Variants in ARK2N observed in about 807,000 individuals in gnomAD.
ARK2N encodes protein ARK2N.
chr18:46,187,444 C>A, the ARK2N span, among the ~76,000 whole-genome samples: 2 of 151,348 alleles, frequency 1.3e-5, no homozygotes, highest in Admixed American at 1.3e-4. Context: ...CGGGTTCAAG[C>A]AATTCTCCTG....
At chr18:46,215,905 A>G in the ARK2N span, 1 of 1,612,230 alleles carries the variant, frequency 6.2e-7, no homozygotes, top group Non-Finnish European at 8.5e-7. Flanking sequence ...GGCAGTGGGA[A>G]AAGTTGAAGA....
At chr18:46,250,439 T>G in the ARK2N span, among the ~76,000 whole-genome samples, 4 of 150,306 alleles carry the variant, frequency 2.7e-5, no homozygotes, top group African/African-American at 9.8e-5. Context: ...CATTTTTGAC[T>G]TTCTATGTTC....
the ARK2N span, among the ~76,000 whole-genome samples, chr18:46,257,166 G>T: frequency 2.6e-5 from 4 of 152,094 alleles, no homozygotes; most frequent in Non-Finnish European, 4.4e-5. Context: ...CTACCTTGTT[G>T]TTGGGTTTTT....
the ARK2N span, among the ~76,000 whole-genome samples, chr18:46,211,659 T>A: frequency 6.6e-6 from 1 of 152,092 alleles, no homozygotes; most frequent in South Asian, 2.1e-4. Context: ...GAATAATCAA[T>A]AATGTAAGAT....
chr18:46,198,642 C>G, the ARK2N span, among the ~76,000 whole-genome samples: 14 of 152,046 alleles, frequency 9.2e-5, no homozygotes, highest in East Asian at 2.1e-3. Context: ...GTCTGTTGTC[C>G]AGGCTGGAGT....
At chr18:46,192,011 C>T in the ARK2N span, among the ~76,000 whole-genome samples, 4 of 152,112 alleles carry the variant, frequency 2.6e-5, no homozygotes, top group Non-Finnish European at 5.9e-5. Flanking sequence ...GAATAATATT[C>T]CATTGTCTGG....
the ARK2N span, among the ~76,000 whole-genome samples, chr18:46,194,677 T>A: frequency 6.7e-6 from 1 of 150,322 alleles, no homozygotes; most frequent in Non-Finnish European, 1.5e-5. Context: ...GGTTCCACCA[T>A]GTTGACCAGG....
chr18:46,251,773 A>G, the ARK2N span, among the ~76,000 whole-genome samples: 1 of 152,190 alleles, frequency 6.6e-6, no homozygotes, highest in African/African-American at 2.4e-5. Context: ...TGCTTATTTA[A>G]AGGCTAAGGA....
the ARK2N span, among the ~76,000 whole-genome samples, chr18:46,228,306 G>T: frequency 6.6e-6 from 1 of 152,050 alleles, no homozygotes; most frequent in African/African-American, 2.4e-5. Context: ...TCATGTTAAG[G>T]ACTACTTTTC....
chr18:46,242,218 A>G, the ARK2N span, among the ~76,000 whole-genome samples: 1 of 152,204 alleles, frequency 6.6e-6, no homozygotes, highest in Non-Finnish European at 1.5e-5. Flanking sequence ...GCCGTTAAAT[A>G]TAGACCATTT....
chr18:46,217,457 T>C, the ARK2N span: 1 of 152,238 alleles, frequency 6.6e-6, no homozygotes, highest in Admixed American at 6.5e-5. Context: ...GAATAGGTCA[T>C]GGCAGTATTG....
the ARK2N span, among the ~76,000 whole-genome samples, chr18:46,204,664 A>AT: frequency 6.6e-6 from 1 of 152,204 alleles, no homozygotes; most frequent in East Asian, 1.9e-4. Flanking sequence ...AATATAAAAT[A>AT]AATAGATGCA....
At chr18:46,235,993 A>C in the ARK2N span, among the ~76,000 whole-genome samples, 1 of 152,248 alleles carries the variant, frequency 6.6e-6, no homozygotes, top group Non-Finnish European at 1.5e-5. Context: ...TCACTGTATC[A>C]GGAATATGTG....
the ARK2N span, among the ~76,000 whole-genome samples, chr18:46,186,484 G>T: frequency 2.1e-5 from 3 of 143,846 alleles, no homozygotes; most frequent in African/African-American, 7.9e-5. Flanking sequence ...GTGAGCCACC[G>T]CACCCAACTG....
chr18:46,263,201 T>G, the ARK2N span: 2 of 1,362,100 alleles, frequency 1.5e-6, no homozygotes, highest in Non-Finnish European at 2.0e-6. Context: ...TGTCATAGCT[T>G]CAGCTTCAGA....
At chr18:46,213,975 G>A in the ARK2N span, among the ~76,000 whole-genome samples, 1 of 152,132 alleles carries the variant, frequency 6.6e-6, no homozygotes, top group African/African-American at 2.4e-5. Context: ...GGGATAACAG[G>A]TGTGAGCCAC....
chr18:46,251,921 G>A, the ARK2N span, among the ~76,000 whole-genome samples: 156 of 152,258 alleles, frequency 1.0e-3, 1 homozygote, highest in Non-Finnish European at 1.3e-4. Flanking sequence ...GCCAGGTGCG[G>A]TGGCTTAAGC....
chr18:46,220,468 A>G, the ARK2N span, among the ~76,000 whole-genome samples: 7 of 152,238 alleles, frequency 4.6e-5, no homozygotes, highest in Non-Finnish European at 1.0e-4. Flanking sequence ...GAAATTTAAA[A>G]AATATTTTTA....
chr18:46,240,230 T>C, the ARK2N span: 7 of 1,602,770 alleles, frequency 4.4e-6, no homozygotes, highest in Non-Finnish European at 6.0e-6. Flanking sequence ...GTAATATGCA[T>C]GTGTCCTGGA....
Sources: gnomAD v4.1 joint callset for allele counts (sites outside exome capture counted in the v4.1 genomes callset) on GRCh38, gnomAD v4.1.1 for gene constraint, MANE v1.5 for transcripts, NCBI Gene and HGNC (gene_info 2026-07-23, HGNC 2026-07-21) for gene names.